Variants in CLMP observed in about 807,000 individuals in gnomAD.
CLMP encodes CXADR like cell adhesion molecule, also known as CXADR-like membrane protein.
In CLMP, 27 loss-of-function variants were observed where a neutral mutation model predicts 45.2. The observed-to-expected ratio is 0.60, with a 90% CI of 0.44 to 0.82. The LOEUF (loss-of-function observed/expected upper bound fraction) is 0.82. CLMP is among the 40% of genes least tolerant of loss of function. The pLI, the probability that CLMP is intolerant of heterozygous loss-of-function variation, is 0.00. For missense variants in CLMP, 403 were observed against 448.4 expected (o/e 0.90, Z 0.91); for synonymous variants, 167 against 171.4 (o/e 0.97, Z 0.20).
intron 1 of CLMP, among the ~76,000 whole-genome samples, chr11:123,156,586 G>A (rs1032347808): frequency 2.0e-5 from 3 of 152,204 alleles, no homozygotes; most frequent in African/African-American, 4.8e-5. Flanking sequence ...GTGAGGGAGA[G>A]GGTCTTTTGT....
At chr11:123,136,323 C>A in intron 1 of CLMP, 1 of 623,568 alleles carries the variant, frequency 1.6e-6, no homozygotes, top group Non-Finnish European at 3.1e-6. Flanking sequence ...TCAGTTAAAT[C>A]CAACACTTCG....
chr11:123,088,501 A>T (rs533740501), intron 2 of CLMP, among the ~76,000 whole-genome samples: 1 of 152,310 alleles, frequency 6.6e-6, no homozygotes, highest in East Asian at 1.9e-4. Flanking sequence ...TAGGAGAATG[A>T]AGAGAGGCAA....
intron 1 of CLMP, chr11:123,188,661 A>C (rs1861864403): frequency 6.6e-6 from 1 of 152,210 alleles, no homozygotes; most frequent in Admixed American, 6.5e-5. Flanking sequence ...GAAACAAAGG[A>C]GCATTCAGTC....
At chr11:123,148,189 C>T (rs1426560997) in intron 1 of CLMP, among the ~76,000 whole-genome samples, 2 of 152,180 alleles carry the variant, frequency 1.3e-5, no homozygotes, top group Admixed American at 6.5e-5. Flanking sequence ...TTAAGTGCTA[C>T]GTAAGTGTAG....
chr11:123,114,412 G>A (rs924079331), intron 1 of CLMP, among the ~76,000 whole-genome samples: 5 of 149,922 alleles, frequency 3.3e-5, no homozygotes, highest in African/African-American at 1.2e-4. Flanking sequence ...AATTGAAGGA[G>A]CTGCATTTTC....
intron 1 of CLMP, among the ~76,000 whole-genome samples, chr11:123,102,707 C>CGT: frequency 1.1e-5 from 1 of 93,288 alleles, no homozygotes; most frequent in East Asian, 3.3e-4. Context: ...TCCCGAGTAG[C>CGT]TTTTTTTTTT....
intron 2 of CLMP, among the ~76,000 whole-genome samples, chr11:123,085,827 A>T (rs1865859881): frequency 7.2e-6 from 1 of 138,276 alleles, no homozygotes; most frequent in Non-Finnish European, 1.5e-5. Flanking sequence ...CCCGGTCTGG[A>T]GTACAATGGT....
chr11:123,071,387 A>C lies in CLMP; in HGVS notation c.*2087T>G, dbSNP rs1275503936. 2 of 152,280 alleles carry C rather than the reference A, an allele frequency of 1.3e-5. No homozygotes were observed. The highest frequency in any genetic ancestry group is 2.9e-5 in the Non-Finnish European group (2 of 68,164). 9.4% of individuals were successfully genotyped at this position (152,280 alleles called of 1,614,324 possible). A position where few individuals can be genotyped will look rare whatever the true frequency, so the allele number is the denominator to read the frequency against. ...GAGGTGGAGGTCGCAGTGAGCCGAGATACGCCACTGCACTCCAGCCTGCGT... is the reference window on the plus strand; with the variant it reads ...GAGGTGGAGGTCGCAGTGAGCCGAGCTACGCCACTGCACTCCAGCCTGCGT... On this transcript the variant is annotated 3_prime_UTR_variant, in exon 7 of 7. Transcript: ENST00000448775.
chr11:123,098,315 C>A (rs1285798781), intron 1 of CLMP, among the ~76,000 whole-genome samples: 1 of 151,532 alleles, frequency 6.6e-6, no homozygotes, highest in Admixed American at 6.6e-5. Flanking sequence ...GCAACCTCTG[C>A]CTCCTGAGTT....
intron 5 of CLMP, 112 bp from the exon 6 acceptor site, chr11:123,074,955 TTTTG>T: frequency 2.3e-6 from 3 of 1,277,826 alleles, no homozygotes; most frequent in Non-Finnish European, 2.1e-6. Flanking sequence ...GGTTTGTTTG[TTTTG>T]TTTTTTTTTT....
At chr11:123,160,842 G>T (rs1565400515) in intron 1 of CLMP, among the ~76,000 whole-genome samples, 1 of 151,986 alleles carries the variant, frequency 6.6e-6, no homozygotes, top group East Asian at 1.9e-4. Context: ...GCCAGGCGTG[G>T]TGGTGCATGC....
At chr11:123,161,500 C>A (rs774770690) in intron 1 of CLMP, among the ~76,000 whole-genome samples, 7 of 151,640 alleles carry the variant, frequency 4.6e-5, no homozygotes, top group Non-Finnish European at 1.0e-4. Flanking sequence ...AACCCCATCT[C>A]TAAAAAAAGA....
chr11:123,169,385 T>G (rs540912863), intron 1 of CLMP, among the ~76,000 whole-genome samples: 1 of 152,344 alleles, frequency 6.6e-6, no homozygotes, highest in African/African-American at 2.4e-5. Flanking sequence ...TTAGCGCAGC[T>G]GACATGGAAA....
At chr11:123,079,068 G>A (rs1240820583) in intron 5 of CLMP, among the ~76,000 whole-genome samples, 7 of 152,044 alleles carry the variant, frequency 4.6e-5, no homozygotes, top group Admixed American at 2.6e-4. Flanking sequence ...ATGAGCCACC[G>A]TGCCTGGCCA....
chr11:123,076,358 G>A (rs1865740409), intron 5 of CLMP, among the ~76,000 whole-genome samples: 1 of 152,116 alleles, frequency 6.6e-6, no homozygotes, highest in African/African-American at 2.4e-5. Context: ...GCAGTTATAG[G>A]CACTGTTGAA....
chr11:123,110,256 C>T (rs1163293325), intron 1 of CLMP, among the ~76,000 whole-genome samples: 1 of 152,030 alleles, frequency 6.6e-6, no homozygotes, highest in Non-Finnish European at 1.5e-5. Context: ...GAGTTCGAGA[C>T]CAGCCTGCCC....
In CLMP at chr11:123,083,094, T is replaced by C; in HGVS notation, c.670A>G (p.Thr224Ala). 1 of 1,614,176 alleles carries C rather than the reference T, an allele frequency of 6.2e-7. No homozygotes were observed. Among genetic ancestry groups the C allele is most frequent in the South Asian group, 1.1e-5 (1 of 91,086 alleles). ...CTCTTTGGATGCTTACACTGTACAG[T>C]TACTCGCACCACACAGCTTTCCTTC... ...AGKESCVVRV[T>A]VQYVQSIGMV... Residue 224 changes from threonine (T) to alanine (A), a missense_variant, in exon 5 of 7, where the codon ACT becomes GCT. Transcript: ENST00000448775.
At chr11:123,084,266 C>T (rs1865838340) in intron 3 of CLMP, among the ~76,000 whole-genome samples, 1 of 152,174 alleles carries the variant, frequency 6.6e-6, no homozygotes, top group African/African-American at 2.4e-5. Flanking sequence ...GAAGATCCCA[C>T]TTAAATATTA....
intron 1 of CLMP, among the ~76,000 whole-genome samples, chr11:123,120,728 A>T (rs774966444): frequency 6.6e-6 from 1 of 152,106 alleles, no homozygotes; most frequent in Non-Finnish European, 1.5e-5. Context: ...GTCTTCCATT[A>T]TGTCTCTCAG....
Sources: gnomAD v4.1 joint callset for allele counts (sites outside exome capture counted in the v4.1 genomes callset) on GRCh38, gnomAD v4.1.1 for gene constraint, MANE v1.5 for transcripts, NCBI Gene and HGNC (gene_info 2026-07-23, HGNC 2026-07-21) for gene names.